RPS6KA5: variants seen among roughly 807,000 people sequenced by gnomAD.
RPS6KA5 encodes ribosomal protein S6 kinase alpha-5.
RPS6KA5 carries 27 observed loss-of-function variants against 85.5 expected under a neutral mutation model. That is an observed-to-expected ratio of 0.32 (90% CI 0.23 to 0.44). RPS6KA5 has a LOEUF of 0.44. Ranked by LOEUF, RPS6KA5 falls within the 20% of genes least tolerant of loss-of-function variation. The pLI, the probability that RPS6KA5 is intolerant of heterozygous loss-of-function variation, is 1.00. For synonymous variants in RPS6KA5, 334 were observed against 348.2 expected, an observed-to-expected ratio of 0.96 and a Z score of 0.46; for missense variants, 811 against 980.9, an observed-to-expected ratio of 0.83 and a Z score of 2.31.
At chr14:90,880,222 T>C (rs1036030289) in intron 14 of RPS6KA5, among the ~76,000 whole-genome samples, 5 of 152,146 alleles carry the variant, frequency 3.3e-5, no homozygotes, top group Admixed American at 6.5e-5. Flanking sequence ...TCACCATCCA[T>C]CTCTAGGACT....
At chr14:91,058,129 C>A (rs1315159311) in intron 1 of RPS6KA5, among the ~76,000 whole-genome samples, 1 of 152,178 alleles carries the variant, frequency 6.6e-6, no homozygotes, top group Non-Finnish European at 1.5e-5. Context: ...GAAAGAAGTG[C>A]AGTTGGCTGA....
intron 15 of RPS6KA5, among the ~76,000 whole-genome samples, chr14:90,874,234 C>G (rs963162093): frequency 1.1e-4 from 16 of 152,134 alleles, no homozygotes; most frequent in Non-Finnish European, 8.8e-5. Context: ...GACACACAGG[C>G]AAAACCCCAG....
intron 14 of RPS6KA5, among the ~76,000 whole-genome samples, chr14:90,883,343 ACACT>A (rs2033979499): frequency 6.6e-6 from 1 of 151,516 alleles, no homozygotes; most frequent in African/African-American, 2.4e-5. Flanking sequence ...TCTGTTCCTC[ACACT>A]CAATAATTTT....
At chr14:90,892,579 G>A (rs2034625838) in intron 13 of RPS6KA5, among the ~76,000 whole-genome samples, 1 of 119,590 alleles carries the variant, frequency 8.4e-6, no homozygotes, top group African/African-American at 3.9e-5. Context: ...AATCTCAGAA[G>A]AGTATGGGAC....
At chr14:91,008,018 T>C (rs2041101693) in intron 1 of RPS6KA5, among the ~76,000 whole-genome samples, 1 of 152,206 alleles carries the variant, frequency 6.6e-6, no homozygotes, top group Non-Finnish European at 1.5e-5. Context: ...TAAGCAATGC[T>C]ATTGTAAGTA....
At chr14:91,025,513 CAT>C (rs1199226423) in intron 1 of RPS6KA5, among the ~76,000 whole-genome samples, 1 of 152,140 alleles carries the variant, frequency 6.6e-6, no homozygotes, top group Non-Finnish European at 1.5e-5. Flanking sequence ...AAGCATGGGT[CAT>C]GTGTGGTTTT....
In RPS6KA5 at chr14:90,894,400, A is replaced by G; in HGVS notation, c.1644+13T>C. 6.2e-7 allele frequency: 1 copy of G among 1,611,836 alleles called. No individual in the cohort carries two copies. The highest frequency in any genetic ancestry group is 1.7e-4 in the Middle Eastern group (1 of 6,052). On this transcript the variant is annotated intron_variant, in intron 13 of 16. Transcript: ENST00000614987. ...CTAGACTGAATTACGTAAGAGATCC[A>G]GTGATTTTATACCTCAGGTTTCAGA... is the stretch of plus-strand genomic sequence containing the variant.
rs536856360 is a variant in RPS6KA5, at chr14:91,029,780, G to C, written c.104-28621C>G. ...TAAGATAATAAATGTACACCACTTAGAATGGTGCCAAGTATATAGTAATTA... is the reference window on the plus strand; with the variant it reads ...TAAGATAATAAATGTACACCACTTACAATGGTGCCAAGTATATAGTAATTA... On this transcript the variant is annotated intron_variant, in intron 1 of 16. Coordinates refer to ENST00000614987, the MANE Select transcript of RPS6KA5 (RefSeq NM_004755.4). Among the ~76,000 whole-genome samples, 20 of 152,230 alleles carry C rather than the reference G, an allele frequency of 1.3e-4. 1 individual carries two copies. The South Asian group carries it at 2.5e-3, about 19-fold the overall frequency.
intron 3 of RPS6KA5, among the ~76,000 whole-genome samples, chr14:90,964,776 G>A (rs930161551): frequency 6.6e-6 from 1 of 151,764 alleles, no homozygotes; most frequent in African/African-American, 2.4e-5. Context: ...TTAGCCAGGA[G>A]TGGTGGTGTG....
intron 12 of RPS6KA5, 71 bp downstream of exon 12, chr14:90,899,258 A>T: frequency 9.2e-7 from 1 of 1,084,762 alleles, no homozygotes; most frequent in Non-Finnish European, 1.4e-6. Context: ...GCACCAACAA[A>T]ACGCGTGAAA....
intron 7 of RPS6KA5, among the ~76,000 whole-genome samples, chr14:90,907,665 A>C (rs892703151): frequency 2.0e-5 from 3 of 152,236 alleles, no homozygotes; most frequent in Non-Finnish European, 4.4e-5. Flanking sequence ...TCTAGCACTT[A>C]ATTCTGGGAA....
intron 13 of RPS6KA5, among the ~76,000 whole-genome samples, chr14:90,891,285 C>A (rs2034540822): frequency 6.7e-6 from 1 of 150,130 alleles, no homozygotes; most frequent in Non-Finnish European, 1.5e-5. Flanking sequence ...CTAGTATTGC[C>A]TATTGAAGAA....
chr14:90,949,407 T>C lies in RPS6KA5; in HGVS notation c.395-1857A>G, dbSNP rs529801681. 3.9e-5 allele frequency among the ~76,000 whole-genome samples: 6 copies of C among 152,318 alleles called. No homozygotes were observed. The South Asian group carries it at 6.2e-4, about 16-fold the overall frequency. On this transcript the variant is annotated intron_variant, in intron 3 of 16. Coordinates refer to ENST00000614987, the MANE Select transcript of RPS6KA5 (RefSeq NM_004755.4). The stretch of plus-strand genomic sequence containing the variant: ...ATCTTGCTATACTGCAATTGTTTAT[T>C]TGCATACTTACTTTCTCTGCTAAAG...
At chr14:90,988,804 C>A (rs1204333450) in intron 2 of RPS6KA5, among the ~76,000 whole-genome samples, 1 of 151,822 alleles carries the variant, frequency 6.6e-6, no homozygotes, top group African/African-American at 2.4e-5. Flanking sequence ...CAGAGCAAGA[C>A]TCCATCTCAA....
intron 1 of RPS6KA5, among the ~76,000 whole-genome samples, chr14:91,013,268 C>T (rs2041336650): frequency 6.6e-6 from 1 of 152,166 alleles, no homozygotes; most frequent in Non-Finnish European, 1.5e-5. Flanking sequence ...GTGCAAAGCA[C>T]TGACAAGACT....
chr14:90,987,002 A>G (rs1162592806), intron 2 of RPS6KA5, among the ~76,000 whole-genome samples: 1 of 152,234 alleles, frequency 6.6e-6, no homozygotes, highest in Non-Finnish European at 1.5e-5. Flanking sequence ...CATAGTATCA[A>G]TAATAAATAA....
At chr14:91,050,384 TAACAAA>T (rs770606699) in intron 1 of RPS6KA5, among the ~76,000 whole-genome samples, 14 of 152,132 alleles carry the variant, frequency 9.2e-5, no homozygotes, top group African/African-American at 1.7e-4. Flanking sequence ...TCTTCAAAAA[TAACAAA>T]AACAAAAACA....
intron 7 of RPS6KA5, among the ~76,000 whole-genome samples, chr14:90,907,613 A>G (rs1003684490): frequency 2.0e-5 from 3 of 152,256 alleles, no homozygotes; most frequent in Non-Finnish European, 4.4e-5. Context: ...ATTTTTTACA[A>G]AAGATTCCAG....
At chr14:90,955,755 T>G (rs1176593835) in intron 3 of RPS6KA5, among the ~76,000 whole-genome samples, 1 of 152,244 alleles carries the variant, frequency 6.6e-6, no homozygotes, top group Non-Finnish European at 1.5e-5. Flanking sequence ...CTAGGTGGTT[T>G]ATTGTGTTGT....
Sources: allele counts gnomAD v4.1 joint callset (sites outside exome capture counted in the v4.1 genomes callset), GRCh38; gene constraint gnomAD v4.1.1; transcripts MANE v1.5; gene names NCBI Gene and HGNC (gene_info 2026-07-23, HGNC 2026-07-21).